Variants in PPP1CB observed in about 807,000 individuals in gnomAD.
PPP1CB encodes protein phosphatase 1 catalytic subunit beta.
In PPP1CB, 2 loss-of-function variants were observed where a neutral mutation model predicts 43.7. That is an observed-to-expected ratio of 0.05 (90% CI 0.02 to 0.14). The LOEUF is 0.14. Among genes scored for constraint, PPP1CB ranks in the 10% least tolerant of loss-of-function variants. The probability of loss-of-function intolerance (pLI) is 1.00; values close to 1 mark genes in which losing one functional copy is unlikely to be tolerated. For missense variants in PPP1CB, 84 were observed against 398.0 expected, an observed-to-expected ratio of 0.21 and a Z score of 6.71; for synonymous variants, 136 against 135.6, an observed-to-expected ratio of 1.00 and a Z score of -0.02.
At chr2:28,776,102 A>G (rs1468738258) in intron 1 of PPP1CB, among the ~76,000 whole-genome samples, 1 of 151,778 alleles carries the variant, frequency 6.6e-6, no homozygotes, top group Non-Finnish European at 1.5e-5. Flanking sequence ...ACCTACTGAC[A>G]ATTACTATTT....
intron 1 of PPP1CB, among the ~76,000 whole-genome samples, chr2:28,775,330 C>T (rs1211523750): frequency 6.6e-6 from 1 of 152,008 alleles, no homozygotes; most frequent in Admixed American, 6.6e-5. Context: ...GGCGATCTTG[C>T]GCTCCTGAGC....
At chr2:28,794,555 G>T (rs1001759585) in intron 7 of PPP1CB, among the ~76,000 whole-genome samples, 1 of 152,038 alleles carries the variant, frequency 6.6e-6, no homozygotes, top group Non-Finnish European at 1.5e-5. Flanking sequence ...GCCGGGCGTG[G>T]TAGCATGCAC....
chr2:28,778,263 A>G, intron 2 of PPP1CB: 1 of 411,542 alleles, frequency 2.4e-6, no homozygotes, highest in South Asian at 1.8e-5. Flanking sequence ...AAATTGTTTT[A>G]GTTACCTATT....
In PPP1CB at chr2:28,799,885, G is replaced by A. The variant is rs1051510353; in HGVS notation, c.*582G>A. 6.6e-6 allele frequency: 1 copy of A among 152,296 alleles called. No individual in the cohort carries two copies. Among genetic ancestry groups the A allele is most frequent in the Non-Finnish European group, 1.5e-5 (1 of 67,916 alleles). 9.4% of individuals were successfully genotyped at this position (152,296 alleles called of 1,614,324 possible). ...CTCATTACATTAAAAAGGAATTTTA[G>A]AGATTGATTGTTTTAAAAAAAAATA... On this transcript the variant is annotated 3_prime_UTR_variant, in exon 8 of 8. Transcript: ENST00000395366.
At position 28,788,819 on chromosome 2, in the gene PPP1CB, A is replaced by G. The variant is rs962383902; in HGVS notation, c.744+10A>G. The G allele has an allele frequency of 1.3e-6, 2 of 1,580,924 alleles. No homozygotes were observed. Among genetic ancestry groups the G allele is most frequent in the Middle Eastern group, 1.7e-4 (1 of 5,906 alleles). On this transcript the variant is annotated intron_variant, in intron 6 of 7. Coordinates refer to ENST00000395366, the MANE Select transcript of PPP1CB (RefSeq NM_002709.3). ...TTGTCGAGCTCATCAGGTATGAAATATAAAACTCTTAAGCTTTTTCTTTTT... is the reference window on the plus strand; with the variant it reads ...TTGTCGAGCTCATCAGGTATGAAATGTAAAACTCTTAAGCTTTTTCTTTTT...
chr2:28,797,114 A>G (rs960661830), intron 7 of PPP1CB, among the ~76,000 whole-genome samples: 6 of 152,128 alleles, frequency 3.9e-5, no homozygotes, highest in African/African-American at 1.4e-4. Flanking sequence ...GCACCCCAGG[A>G]ATAAACCCTT....
intron 7 of PPP1CB, among the ~76,000 whole-genome samples, chr2:28,796,024 T>C (rs1476356428): frequency 6.6e-6 from 1 of 152,142 alleles, no homozygotes; most frequent in Admixed American, 6.6e-5. Flanking sequence ...CCAGTTATCT[T>C]AGCACCATTT....
intron 1 of PPP1CB, among the ~76,000 whole-genome samples, chr2:28,770,177 C>T (rs531040411): frequency 1.2e-4 from 18 of 152,054 alleles, no homozygotes; most frequent in Non-Finnish European, 2.4e-4. Flanking sequence ...GCAGGAGAAT[C>T]GCTTGAATCT....
At chr2:28,764,320 C>T (rs1666731895) in intron 1 of PPP1CB, among the ~76,000 whole-genome samples, 1 of 151,666 alleles carries the variant, frequency 6.6e-6, no homozygotes, top group South Asian at 2.1e-4. Flanking sequence ...ATTAGCTGGG[C>T]ATAGTAGCAC....
intron 1 of PPP1CB, among the ~76,000 whole-genome samples, chr2:28,770,803 A>G (rs1460399843): frequency 9.2e-5 from 14 of 152,130 alleles, no homozygotes; most frequent in Admixed American, 9.2e-4. Context: ...TGTATGAAAC[A>G]TTTACTAAAA....
rs1667648693 is a variant in PPP1CB at position 28,802,750 on chromosome 2, GT to G, written c.*3448del. On this transcript the variant is annotated 3_prime_UTR_variant, in exon 8 of 8. Coordinates refer to ENST00000395366, the MANE Select transcript of PPP1CB (RefSeq NM_002709.3). ...TGATCTGTTAAATTGGATTTTACAT[GT>G]ACATTTGAATGCCAGAATTTCTAAA... 1 of 152,122 alleles carries G rather than the reference GT, an allele frequency of 6.6e-6. No individual in the cohort carries two copies. Among genetic ancestry groups the G allele is most frequent in the Non-Finnish European group, 1.5e-5 (1 of 68,030 alleles). The allele number at this position is 152,122 out of a possible 1,614,324, so 9.4% of individuals were successfully genotyped here.
chr2:28,753,946 C>G (rs2148452275), intron 1 of PPP1CB, among the ~76,000 whole-genome samples: 1 of 152,224 alleles, frequency 6.6e-6, no homozygotes, highest in Non-Finnish European at 1.5e-5. Context: ...CCATCTTGGC[C>G]TGGCTGGTCT....
At chr2:28,758,908 A>G (rs1010414569) in intron 1 of PPP1CB, among the ~76,000 whole-genome samples, 13 of 152,228 alleles carry the variant, frequency 8.5e-5, no homozygotes, top group East Asian at 1.9e-4. Context: ...AGGTTTTAAC[A>G]TAGCATATTT....
intron 1 of PPP1CB, among the ~76,000 whole-genome samples, chr2:28,775,453 A>G (rs1667017341): frequency 6.6e-6 from 1 of 151,990 alleles, no homozygotes; most frequent in Admixed American, 6.6e-5. Flanking sequence ...TGTCACCAAG[A>G]CTGAAATGCC....
chr2:28,790,468 TAGC>T (rs1324219474), intron 6 of PPP1CB, among the ~76,000 whole-genome samples: 4 of 151,936 alleles, frequency 2.6e-5, no homozygotes, highest in Non-Finnish European at 5.9e-5. Context: ...GCCTCCCGAG[TAGC>T]TGGGACTACA....
chr2:28,754,140 G>A (rs765186826), intron 1 of PPP1CB, among the ~76,000 whole-genome samples: 9 of 151,640 alleles, frequency 5.9e-5, no homozygotes, highest in Non-Finnish European at 1.2e-4. Context: ...TATTTTGTAG[G>A]CATAAAACAG....
chr2:28,752,969 CA>C (rs1666365554), intron 1 of PPP1CB, among the ~76,000 whole-genome samples: 1 of 152,142 alleles, frequency 6.6e-6, no homozygotes, highest in Admixed American at 6.5e-5. Context: ...TAGGTCTACG[CA>C]GCATTTGAAC....
chr2:28,787,476 T>C (rs538975260), intron 5 of PPP1CB, among the ~76,000 whole-genome samples: 9 of 152,130 alleles, frequency 5.9e-5, no homozygotes, highest in Admixed American at 5.2e-4. Flanking sequence ...TATATATGTA[T>C]CTTCTCTTAG....
In PPP1CB at chr2:28,769,330, G is replaced by A. The variant is rs548099609; in HGVS notation, c.53-7521G>A. On this transcript the variant is annotated intron_variant, in intron 1 of 7. Coordinates refer to ENST00000395366, the MANE Select transcript of PPP1CB (RefSeq NM_002709.3). ...TGGCTAACTGCAACCTCTGCCTCCC[G>A]GGTTCAAGCGATTCTCCTGCTTCAG... 7.7e-4 allele frequency among the ~76,000 whole-genome samples: 117 copies of A among 152,250 alleles called. 1 individual carries two copies. The highest frequency in any genetic ancestry group is 2.6e-3 in the African/African-American group (107 of 41,530).
Sources: allele counts gnomAD v4.1 joint callset (sites outside exome capture counted in the v4.1 genomes callset), GRCh38; gene constraint gnomAD v4.1.1; transcripts MANE v1.5; gene names NCBI Gene and HGNC (gene_info 2026-07-23, HGNC 2026-07-21).